Variants in SEPTIN12 observed in about 807,000 individuals in gnomAD.
SEPTIN12 encodes septin-12.
Under a neutral mutation model 37.7 loss-of-function variants are expected in SEPTIN12, and 42 were observed. The observed-to-expected ratio is 1.11, with a 90% confidence interval of 0.87 to 1.44. The LOEUF (loss-of-function observed/expected upper bound fraction) is 1.44, where lower values mean the gene tolerates loss of function less well. SEPTIN12 is among the 40% of genes most tolerant of loss of function. SEPTIN12 has a pLI of 0.00. For synonymous variants in SEPTIN12, 254 were observed against 196.7 expected, an observed-to-expected ratio of 1.29 and a Z score of -2.44; for missense variants, 613 against 479.2, an observed-to-expected ratio of 1.28 and a Z score of -2.61.
At chr16:4,789,877 CTTTCT>C (rs1225150809), upstream of SEPTIN12, 1 of 151,742 alleles carries the variant, frequency 6.6e-6, no homozygotes, top group Non-Finnish European at 1.5e-5. Flanking sequence ...AATGTTTTCT[CTTTCT>C]TTTTTCTTTC....
At chr16:4,786,334 C>T (rs548081327) in intron 2 of SEPTIN12, among the ~76,000 whole-genome samples, 14 of 151,262 alleles carry the variant, frequency 9.3e-5, no homozygotes, top group Non-Finnish European at 1.9e-4. Flanking sequence ...GCCACCATAC[C>T]CAGCTGATTT....
At position 4,777,613 on chromosome 16, in the gene SEPTIN12, G is replaced by C. The variant is rs549399841; in HGVS notation, c.*184C>G. 5.2e-6 allele frequency: 3 copies of C among 576,238 alleles called. No individual in the cohort carries two copies. Among genetic ancestry groups the C allele is most frequent in the South Asian group, 2.5e-5 (1 of 40,470 alleles). The allele number at this position is 576,238 out of a possible 1,614,324, so 35.7% of individuals were successfully genotyped here. ...ACTGTACTCCAGCCTGGGTAACAGA[G>C]TGACACCCAGCCTTTTTATTTGTGG... On this transcript the variant is annotated 3_prime_UTR_variant, in exon 10 of 10. Coordinates refer to ENST00000268231, the MANE Select transcript of SEPTIN12 (RefSeq NM_144605.5).
chr16:4,784,760 A>G (rs2082415752), intron 4 of SEPTIN12, among the ~76,000 whole-genome samples: 1 of 147,266 alleles, frequency 6.8e-6, no homozygotes, highest in Admixed American at 7.1e-5. Flanking sequence ...ACAGACTGAG[A>G]CACTGTCTCT....
chr16:4,788,942 C>T (rs536421528), upstream of SEPTIN12, among the ~76,000 whole-genome samples: 13 of 152,278 alleles, frequency 8.5e-5, no homozygotes, highest in African/African-American at 2.9e-4. Flanking sequence ...ACTTGAGATG[C>T]CCTCTTTAAA....
intron 7 of SEPTIN12, among the ~76,000 whole-genome samples, 156 bp from the exon 8 acceptor site, chr16:4,779,942 G>A (rs971762436): frequency 1.7e-4 from 26 of 152,030 alleles, no homozygotes; most frequent in African/African-American, 6.3e-4. Context: ...AAGACATAAA[G>A]TCTAATTGGT....
In SEPTIN12 at chr16:4,783,392, G is replaced by A. The variant is rs758525046; in HGVS notation, c.726+70C>T. ...ATTTCCCTGAGATGTAGAGAAAGATGAGTCTTTGGATGGAAAGGATGTGTG... is the reference window on the plus strand; with the variant it reads ...ATTTCCCTGAGATGTAGAGAAAGATAAGTCTTTGGATGGAAAGGATGTGTG... On this transcript the variant is annotated intron_variant, in intron 7 of 9. Coordinates refer to ENST00000268231, the MANE Select transcript of SEPTIN12 (RefSeq NM_144605.5). The A allele has an allele frequency of 6.3e-6, 7 of 1,118,104 alleles. No homozygotes were observed. The African/African-American group carries it at 9.2e-5, about 15-fold the overall frequency. The allele number at this position is 1,118,104 out of a possible 1,614,324, so 69.3% of individuals were successfully genotyped here. A position where few individuals can be genotyped will look rare whatever the true frequency, so the allele number is the denominator to read the frequency against.
Position 4,787,586 on chromosome 16 carries a change from G to T in SEPTIN12, c.60C>A (p.Ser20Arg), listed in dbSNP as rs770327536. 6.2e-7 allele frequency: 1 copy of T among 1,608,060 alleles called. No homozygotes were observed. The highest frequency in any genetic ancestry group is 1.7e-5 in the Admixed American group (1 of 60,010). ...PCLSSQPSSPSTPPCEMLGPV... is the reference protein window; with the variant it reads ...PCLSSQPSSPRTPPCEMLGPV... ...GACCAAGCATCTCGCAGGGTGGGGT[G>T]CTGGGGCTGGAGGGCTGCGAGGACA... Residue 20 changes from serine to arginine, a missense_variant, in exon 2 of 10, where the codon AGC becomes AGA. Transcript: ENST00000268231.
At position 4,777,830 on chromosome 16, in the gene SEPTIN12, C is replaced by A. The variant is rs925339176; in HGVS notation, c.1044G>T (p.Arg348Ser). Reference sequence around the variant, plus strand: ...CATCATCAGAATCGTCATGGGCCCCCCTGCAGACCTTGAAGGTCCGGGGGG... The same window carrying A: ...CATCATCAGAATCGTCATGGGCCCCACTGCAGACCTTGAAGGTCCGGGGGG... ...LTTPRTFKVC[R>S]GAHDDSDDEF Residue 348 changes from arginine to serine, a missense_variant, in exon 10 of 10, where the codon AGG (arginine) becomes AGT (serine). Physicochemically the swap from Arg to Ser is moderately radical, Grantham distance 110. Coordinates refer to ENST00000268231, the MANE Select transcript of SEPTIN12 (RefSeq NM_144605.5). 2.5e-6 allele frequency: 4 copies of A among 1,585,770 alleles called. No homozygotes were observed. Among genetic ancestry groups the A allele is most frequent in the Non-Finnish European group, 3.4e-6 (4 of 1,166,896 alleles).
chr16:4,783,334 G>A (rs2082393227), intron 7 of SEPTIN12, 128 bp downstream of exon 7: 2 of 765,462 alleles, frequency 2.6e-6, no homozygotes, highest in Non-Finnish European at 4.6e-6. Flanking sequence ...TTGTGGATGA[G>A]TAGAGAATCA....
intron 4 of SEPTIN12, 119 bp from the exon 5 acceptor site, chr16:4,784,187 G>A (rs1003368836): frequency 1.1e-5 from 13 of 1,131,626 alleles, no homozygotes; most frequent in African/African-American, 7.6e-5. Flanking sequence ...CGGTTGGCCC[G>A]GGACCTGTGG....
upstream of SEPTIN12, among the ~76,000 whole-genome samples, chr16:4,791,577 G>C (rs2082551662): frequency 6.6e-6 from 1 of 152,158 alleles, no homozygotes; most frequent in Admixed American, 6.5e-5. Flanking sequence ...TGGGTCTTAT[G>C]GCATGCAATC....
Position 4,779,237 on chromosome 16 carries a change from C to T in SEPTIN12, c.823+453G>A, listed in dbSNP as rs193207644. On this transcript the variant is annotated intron_variant, in intron 8 of 9. Coordinates refer to ENST00000268231, the MANE Select transcript of SEPTIN12 (RefSeq NM_144605.5). ...CTAGCTCCCTAAGGCAGTCTCCTCT[C>T]CCTCCCGCCACAATCGCCTTCACTG... 1.3e-4 allele frequency among the ~76,000 whole-genome samples: 20 copies of T among 151,854 alleles called. No homozygotes were observed. The East Asian group carries it at 3.7e-3, about 28-fold the overall frequency.
intron 4 of SEPTIN12, 28 bp downstream of exon 4, chr16:4,785,777 TAA>T (rs368610870): frequency 4.0e-3 from 4,715 of 1,168,958 alleles, no homozygotes; most frequent in Non-Finnish European, 4.8e-3. Context: ...AAACTCTGCC[TAA>T]AAAAAAAAAA....
chr16:4,779,945 T>A (rs2082355318), intron 7 of SEPTIN12, among the ~76,000 whole-genome samples, 159 bp from the exon 8 acceptor site: 1 of 151,978 alleles, frequency 6.6e-6, no homozygotes, highest in African/African-American at 2.4e-5. Flanking sequence ...ACATAAAGTC[T>A]AATTGGTGCC....
At chr16:4,785,288 G>T (rs1330748459) in intron 4 of SEPTIN12, among the ~76,000 whole-genome samples, 1 of 151,680 alleles carries the variant, frequency 6.6e-6, no homozygotes, top group Non-Finnish European at 1.5e-5. Context: ...CTTGAACCCA[G>T]GAGGCAGAGG....
rs1295771692 is a variant in SEPTIN12, at chr16:4,777,626, T to G, written c.*171A>C. 2 of 596,450 alleles carry G rather than the reference T, an allele frequency of 3.4e-6. No homozygotes were observed. The highest frequency in any genetic ancestry group is 5.9e-6 in the Non-Finnish European group (2 of 339,598). The allele number at this position is 596,450 out of a possible 1,614,324, so 36.9% of individuals were successfully genotyped here. On this transcript the variant is annotated 3_prime_UTR_variant, in exon 10 of 10. Coordinates refer to ENST00000268231, the MANE Select transcript of SEPTIN12 (RefSeq NM_144605.5). ...CTGGGTAACAGAGTGACACCCAGCCTTTTTATTTGTGGATAGCTCAAAGAA... is the reference window on the plus strand; with the variant it reads ...CTGGGTAACAGAGTGACACCCAGCCGTTTTATTTGTGGATAGCTCAAAGAA...
At chr16:4,786,176 T>C (rs1021563493) in intron 2 of SEPTIN12, 71 bp from the exon 3 acceptor site, 14 of 1,511,982 alleles carry the variant, frequency 9.3e-6, no homozygotes, top group Non-Finnish European at 1.2e-5. Context: ...CTCTTTACTT[T>C]TCTATTTTAT....
chr16:4,789,324 CTTTT>C (rs1344131881), upstream of SEPTIN12, among the ~76,000 whole-genome samples: 1 of 150,492 alleles, frequency 6.6e-6, no homozygotes, highest in African/African-American at 2.4e-5. Context: ...TTCTTTTTTC[CTTTT>C]TTTCTTTTTT....
rs746750799 is a variant in SEPTIN12, at chr16:4,787,629, C to T, written c.17G>A (p.Arg6His). The T allele has an allele frequency of 5.0e-5, 79 of 1,592,782 alleles. No individual in the cohort carries two copies. The Admixed American group carries it at 7.6e-4, about 15-fold the overall frequency. Residue 6 changes from arginine to histidine, a missense_variant, in exon 2 of 10, where the codon CGC becomes CAC. Physicochemically the swap from Arg to His is conservative, Grantham distance 29 (BLOSUM62 0). Coordinates refer to ENST00000268231, the MANE Select transcript of SEPTIN12 (RefSeq NM_144605.5). MDPLR[R>H]SPSPCLSSQP... ...CGAGGACAGGCAGGGAGAGGGGGAG[C>T]GCCTCAGGGGGTCCATGGGGGCCAA...
Sources: gnomAD v4.1 joint callset for allele counts (sites outside exome capture counted in the v4.1 genomes callset) on GRCh38, gnomAD v4.1.1 for gene constraint, MANE v1.5 for transcripts, NCBI Gene and HGNC (gene_info 2026-07-23, HGNC 2026-07-21) for gene names.